RYK: variants seen among roughly 807,000 people sequenced by gnomAD.
RYK encodes receptor like tyrosine kinase.
In RYK, 21 loss-of-function variants were observed where a neutral mutation model predicts 70.2. The observed-to-expected ratio is 0.30, with a 90% CI of 0.21 to 0.43. RYK has a LOEUF of 0.43. Ranked by LOEUF, RYK falls within the 20% of genes least tolerant of loss-of-function variation. The pLI, the probability that RYK is intolerant of heterozygous loss-of-function variation, is 1.00. For synonymous variants in RYK, 267 were observed against 278.0 expected, an observed-to-expected ratio of 0.96 and a Z score of 0.39; for missense variants, 604 against 753.3, an observed-to-expected ratio of 0.80 and a Z score of 2.32.
chr3:134,230,262 T>C (rs2015019826), intron 1 of RYK, among the ~76,000 whole-genome samples: 2 of 152,288 alleles, frequency 1.3e-5, no homozygotes, highest in South Asian at 4.1e-4. Context: ...AATTTTTGTA[T>C]TTTTAGTAGA....
Position 134,158,142 on chromosome 3 carries a change from T to C in RYK, c.*11A>G, listed in dbSNP as rs754035198. 9.2e-6 allele frequency: 13 copies of C among 1,417,788 alleles called. No homozygotes were observed. In the East Asian group the frequency reaches 2.4e-4, roughly 26 times the overall value. The allele number at this position is 1,417,788 out of a possible 1,614,324, so 87.8% of individuals were successfully genotyped here. On this transcript the variant is annotated 3_prime_UTR_variant, in exon 15 of 15. Transcript: ENST00000623711. ...GCACCTTCTTCCTGATGGTGTGGGA[T>C]TGGAGAGGAGTCAGACGTAGGCCCC...
chr3:134,189,160 A>C (rs1005934483), intron 8 of RYK, among the ~76,000 whole-genome samples: 3 of 152,226 alleles, frequency 2.0e-5, no homozygotes, highest in African/African-American at 7.2e-5. Context: ...TAAGTATATG[A>C]AAATTTTCCT....
At chr3:134,226,811 T>C (rs1472234496) in intron 1 of RYK, among the ~76,000 whole-genome samples, 3 of 152,124 alleles carry the variant, frequency 2.0e-5, no homozygotes, top group Non-Finnish European at 4.4e-5. Context: ...GAAACTTTCT[T>C]AGTTTGGTAA....
At chr3:134,248,260 T>C (rs780878795) in intron 1 of RYK, among the ~76,000 whole-genome samples, 22 of 152,090 alleles carry the variant, frequency 1.4e-4, no homozygotes, top group Non-Finnish European at 2.9e-4. Flanking sequence ...GGGAGTTAAT[T>C]GAAACAATGC....
intron 2 of RYK, among the ~76,000 whole-genome samples, chr3:134,216,493 T>A (rs1396831108): frequency 1.3e-5 from 2 of 151,974 alleles, no homozygotes. Context: ...TTTTCAGATA[T>A]CTAAAATAGC....
At chr3:134,187,752 G>T (rs1197677349) in intron 9 of RYK, among the ~76,000 whole-genome samples, 2 of 150,198 alleles carry the variant, frequency 1.3e-5, no homozygotes, top group Non-Finnish European at 3.0e-5. Context: ...GAGACGGGGG[G>T]TCTTGCTATA....
chr3:134,197,984 C>T (rs1022497543), intron 6 of RYK, among the ~76,000 whole-genome samples: 2 of 152,172 alleles, frequency 1.3e-5, no homozygotes, highest in Non-Finnish European at 2.9e-5. Context: ...ATAAGCAAAG[C>T]ACTATGCTAA....
intron 1 of RYK, among the ~76,000 whole-genome samples, chr3:134,228,229 G>A (rs148838105): frequency 3.5e-3 from 532 of 152,134 alleles, no homozygotes; most frequent in African/African-American, 0.012. Context: ...AGTTCGAGGC[G>A]GCAGTGAGCT....
chr3:134,222,305 T>C, intron 2 of RYK, 113 bp downstream of exon 2: 3 of 1,069,616 alleles, frequency 2.8e-6, no homozygotes, highest in Non-Finnish European at 4.2e-6. Flanking sequence ...TACTATTATA[T>C]CACATCACCA....
At position 134,166,407 on chromosome 3, in the gene RYK, C is replaced by A. The variant is rs572662069; in HGVS notation, c.1576-7034G>T. 2.6e-5 allele frequency among the ~76,000 whole-genome samples: 4 copies of A among 152,320 alleles called. No homozygotes were observed. The South Asian group carries it at 8.3e-4, about 32-fold the overall frequency. On this transcript the variant is annotated intron_variant, in intron 13 of 14. Coordinates refer to ENST00000623711, the MANE Select transcript of RYK (RefSeq NM_002958.4). ...ATTCATTGTTTGTTATTTAAGTTATCCAGTCTATGGCAGTTTGTTACAGTG... is the reference window on the plus strand; with the variant it reads ...ATTCATTGTTTGTTATTTAAGTTATACAGTCTATGGCAGTTTGTTACAGTG...
intron 9 of RYK, among the ~76,000 whole-genome samples, chr3:134,184,400 T>C (rs1576509170): frequency 6.6e-6 from 1 of 152,166 alleles, no homozygotes. Flanking sequence ...CCTCATCTTA[T>C]AGGGACCACG....
In RYK at chr3:134,209,976, AAGTT is replaced by A. The variant is rs2014337612; in HGVS notation, c.455-151_455-148del. 3 of 620,154 alleles carry A rather than the reference AAGTT, an allele frequency of 4.8e-6. No individual in the cohort carries two copies. The South Asian group carries it at 7.3e-5, about 15-fold the overall frequency. The allele number at this position is 620,154 out of a possible 1,614,324, so 38.4% of individuals were successfully genotyped here. ...ACATTTAAATAAAGTAACTAAACAAAAGTTTTTAGAGATCTTCAGACTACCACAC... is the reference window on the plus strand; with the variant it reads ...ACATTTAAATAAAGTAACTAAACAAATTTAGAGATCTTCAGACTACCACAC... On this transcript the variant is annotated intron_variant, in intron 3 of 14. Transcript: ENST00000623711.
intron 2 of RYK, among the ~76,000 whole-genome samples, chr3:134,219,345 A>C (rs943468972): frequency 2.6e-5 from 4 of 152,158 alleles, no homozygotes; most frequent in Non-Finnish European, 5.9e-5. Context: ...TAACTGTTTT[A>C]AAGGAATCAG....
intron 6 of RYK, among the ~76,000 whole-genome samples, chr3:134,199,062 G>A (rs2013904476): frequency 6.6e-6 from 1 of 152,140 alleles, no homozygotes; most frequent in African/African-American, 2.4e-5. Flanking sequence ...AGGACTTCAG[G>A]GTGAATGTAA....
At position 134,176,037 on chromosome 3, in the gene RYK, T is replaced by C. The variant is rs1472549758; in HGVS notation, c.1308A>G (p.Ala436=). Residue 436 remains alanine, a splice_region_variant and synonymous_variant, in exon 12 of 15, where the codon GCA becomes GCG. Transcript: ENST00000623711. The part of the protein sequence containing the change: ...CKLVEANNPQ[A]ISQQDLVHMA... ...TGTGTACCAGGTCTTGCTGAGAAAT[T>C]GCCTGTGGTAACAAAAAATAACATG... is the stretch of plus-strand genomic sequence containing the variant. The C allele has an allele frequency of 3.2e-6, 5 of 1,573,970 alleles. No homozygotes were observed. In the South Asian group the frequency reaches 5.8e-5, roughly 18 times the overall value.
At chr3:134,196,475 G>A (rs1399738760) in intron 6 of RYK, among the ~76,000 whole-genome samples, 3 of 152,012 alleles carry the variant, frequency 2.0e-5, no homozygotes, top group Admixed American at 1.3e-4. Flanking sequence ...TGAGTGCGGT[G>A]TGAAGCCTGT....
intron 2 of RYK, among the ~76,000 whole-genome samples, chr3:134,217,103 C>T (rs1307311498): frequency 1.3e-5 from 2 of 152,008 alleles, no homozygotes; most frequent in African/African-American, 2.4e-5. Flanking sequence ...GACAAAATGG[C>T]GAAAACACTG....
rs1431326774 is a variant in RYK at position 134,211,501 on chromosome 3, T to A, written c.454+7A>T. ...TGTTAACTCTGTCTTTGAAGACTCT[T>A]ACTTACCTGATAAAGTGCGTGGAAC... On this transcript the variant is annotated splice_region_variant and intron_variant, in intron 3 of 14. Transcript: ENST00000623711. The A allele has an allele frequency of 6.2e-7, 1 of 1,602,028 alleles. No individual in the cohort carries two copies.
intron 11 of RYK, among the ~76,000 whole-genome samples, chr3:134,177,574 G>T (rs566701372): frequency 6.6e-6 from 1 of 152,134 alleles, no homozygotes; most frequent in Non-Finnish European, 1.5e-5. Flanking sequence ...CCAGACTTTG[G>T]TATAGTATGA....
Sources: gnomAD v4.1 joint callset for allele counts (sites outside exome capture counted in the v4.1 genomes callset) on GRCh38, gnomAD v4.1.1 for gene constraint, MANE v1.5 for transcripts, NCBI Gene and HGNC (gene_info 2026-07-23, HGNC 2026-07-21) for gene names.